CSMD1: variants seen among roughly 807,000 people sequenced by gnomAD.
CSMD1 encodes the protein CUB and Sushi multiple domains 1.
CSMD1 carries 213 observed loss-of-function variants against 417.5 expected under a neutral mutation model. The ratio of observed to expected loss-of-function variants is 0.51; its 90% CI spans 0.46 to 0.57. The LOEUF is 0.57. CSMD1 is among the 20% of genes least tolerant of loss of function. The pLI is 0.00. For synonymous variants in CSMD1, 2,862 were observed against 1,736.8 expected (o/e 1.65, Z -16.11); for missense variants, 6,923 against 4,529.7 (o/e 1.53, Z -15.17).
intron 26 of CSMD1, among the ~76,000 whole-genome samples, chr8:3,241,289 C>T (rs1485657863): frequency 6.4e-4 from 97 of 150,444 alleles, no homozygotes; most frequent in Non-Finnish European, 1.1e-3. Context: ...GGTTTAGAAG[C>T]CTGGCCGTCA....
chr8:3,515,658 C>G (rs945934777), intron 10 of CSMD1, among the ~76,000 whole-genome samples: 4 of 152,212 alleles, frequency 2.6e-5, no homozygotes, highest in African/African-American at 7.2e-5. Flanking sequence ...CAACTTGCAA[C>G]AGACCAACTT....
chr8:3,110,436 G>T, intron 42 of CSMD1, 101 bp from the exon 43 acceptor site: 1 of 967,302 alleles, frequency 1.0e-6, no homozygotes, highest in South Asian at 2.2e-5. Context: ...CATTTTTCCT[G>T]ATGGGAAATA....
At chr8:2,969,681 G>A (rs1804270776) in intron 57 of CSMD1, among the ~76,000 whole-genome samples, 1 of 152,184 alleles carries the variant, frequency 6.6e-6, no homozygotes, top group African/African-American at 2.4e-5. Context: ...TCCTGGAAAT[G>A]CAACCACTGG....
intron 8 of CSMD1, 143 bp from the exon 9 acceptor site, chr8:3,586,403 T>G: frequency 1.5e-6 from 1 of 676,006 alleles, no homozygotes; most frequent in South Asian, 2.7e-5. Flanking sequence ...TTAGGTAGTA[T>G]GTATAGAGGC....
At chr8:3,142,211 G>C (rs1007546283) in intron 41 of CSMD1, among the ~76,000 whole-genome samples, 1 of 152,138 alleles carries the variant, frequency 6.6e-6, no homozygotes, top group Non-Finnish European at 1.5e-5. Flanking sequence ...TTTCTCCATT[G>C]CAATTCCCGT....
intron 1 of CSMD1, among the ~76,000 whole-genome samples, chr8:4,956,559 TATA>T (rs1209066817): frequency 6.7e-6 from 1 of 149,660 alleles, no homozygotes; most frequent in African/African-American, 2.4e-5. Flanking sequence ...TATCATAACA[TATA>T]ATATATTTAA....
chr8:3,705,112 T>A (rs1430894203), intron 7 of CSMD1, among the ~76,000 whole-genome samples: 1 of 152,168 alleles, frequency 6.6e-6, no homozygotes, highest in African/African-American at 2.4e-5. Context: ...TTTCAAAGGC[T>A]CTGTTTGCAA....
Position 3,708,568 on chromosome 8 carries a change from C to G in CSMD1, c.932-77G>C, listed in dbSNP as rs1365339572. 18 of 1,206,296 alleles carry G rather than the reference C, an allele frequency of 1.5e-5. No individual in the cohort carries two copies. In the Admixed American group the frequency reaches 2.4e-4, roughly 16 times the overall value. The allele number at this position is 1,206,296 out of a possible 1,614,324, so 74.7% of individuals were successfully genotyped here. A position where few individuals can be genotyped will look rare whatever the true frequency, so the allele number is the denominator to read the frequency against. On this transcript the variant is annotated intron_variant, in intron 6 of 69. Transcript: ENST00000635120. ...ACCATGTTGTATCCACACAGCACTT[C>G]CAGTCATAACTGCTTTCTATCAACC...
In CSMD1 at chr8:3,745,200, T is replaced by C. The variant is rs549399937; in HGVS notation, c.931+8730A>G. On this transcript the variant is annotated intron_variant, in intron 6 of 69. Transcript: ENST00000635120. Reference sequence around the variant, plus strand: ...TGAACTCTATCATTTCTCTGTTATATTTTTTGGGGTAGTAAATTGTAGACT... The same window carrying C: ...TGAACTCTATCATTTCTCTGTTATACTTTTTGGGGTAGTAAATTGTAGACT... Among the ~76,000 whole-genome samples, 21 of 152,334 alleles carry C rather than the reference T, an allele frequency of 1.4e-4. No individual in the cohort carries two copies. In the South Asian group the frequency reaches 3.1e-3, roughly 23 times the overall value.
At chr8:4,523,499 T>C (rs1002136349) in intron 2 of CSMD1, among the ~76,000 whole-genome samples, 1 of 152,132 alleles carries the variant, frequency 6.6e-6, no homozygotes, top group Admixed American at 6.6e-5. Context: ...GAGTGTAGGA[T>C]GGCTGTTGCT....
chr8:3,083,244 C>A (rs1814242839), intron 49 of CSMD1, among the ~76,000 whole-genome samples: 1 of 151,834 alleles, frequency 6.6e-6, no homozygotes, highest in South Asian at 2.1e-4. Flanking sequence ...TTTCTTAGAA[C>A]TGAAAATAAA....
At chr8:4,207,918 T>G (rs965503572) in intron 3 of CSMD1, among the ~76,000 whole-genome samples, 4 of 152,106 alleles carry the variant, frequency 2.6e-5, no homozygotes, top group African/African-American at 9.7e-5. Flanking sequence ...ATATTTATAT[T>G]AAATAGTCTA....
At chr8:2,960,404 T>A (rs958585303) in intron 62 of CSMD1, among the ~76,000 whole-genome samples, 4 of 152,200 alleles carry the variant, frequency 2.6e-5, no homozygotes, top group Admixed American at 2.6e-4. Flanking sequence ...GAAGAAGGTT[T>A]TTTATTCTTA....
At chr8:3,663,381 G>C (rs567502105) in intron 7 of CSMD1, among the ~76,000 whole-genome samples, 62 of 152,224 alleles carry the variant, frequency 4.1e-4, no homozygotes, top group Non-Finnish European at 8.1e-4. Flanking sequence ...GGGCACTTCT[G>C]TAAATTTCCC....
At chr8:4,876,302 G>A (rs1011005687) in intron 1 of CSMD1, among the ~76,000 whole-genome samples, 5 of 152,034 alleles carry the variant, frequency 3.3e-5, no homozygotes, top group Non-Finnish European at 7.4e-5. Flanking sequence ...CTTTAAAGGA[G>A]AGTGGTATTC....
At chr8:4,931,031 A>C (rs183541169) in intron 1 of CSMD1, among the ~76,000 whole-genome samples, 2 of 152,302 alleles carry the variant, frequency 1.3e-5, no homozygotes, top group East Asian at 3.9e-4. Context: ...AGAAAAAGGA[A>C]ATCTGCCCTT....
chr8:4,049,415 T>G (rs999917776), intron 3 of CSMD1, among the ~76,000 whole-genome samples: 5 of 151,340 alleles, frequency 3.3e-5, no homozygotes, highest in Non-Finnish European at 7.4e-5. Flanking sequence ...CGGAGAAAAA[T>G]TACCCCCAGC....
At chr8:3,159,427 C>T (rs755141171) in intron 38 of CSMD1, among the ~76,000 whole-genome samples, 11 of 152,152 alleles carry the variant, frequency 7.2e-5, no homozygotes, top group Non-Finnish European at 1.6e-4. Flanking sequence ...ATACATCATT[C>T]CAATATTCAG....
intron 6 of CSMD1, among the ~76,000 whole-genome samples, chr8:3,709,512 T>C (rs969641874): frequency 4.8e-4 from 73 of 151,846 alleles, no homozygotes; most frequent in African/African-American, 1.7e-3. Flanking sequence ...GAGAATGTCA[T>C]GGATGATATT....
Sources: gnomAD v4.1 joint callset for allele counts (sites outside exome capture counted in the v4.1 genomes callset) on GRCh38, gnomAD v4.1.1 for gene constraint, MANE v1.5 for transcripts, NCBI Gene and HGNC (gene_info 2026-07-23, HGNC 2026-07-21) for gene names.